ZNRF3: variants seen among roughly 807,000 people sequenced by gnomAD.
ZNRF3 encodes the protein zinc and ring finger 3, also known as E3 ubiquitin-protein ligase ZNRF3.
A neutral mutation model predicts 72.5 loss-of-function variants in ZNRF3; 23 were observed. That is an observed-to-expected ratio of 0.32 (90% CI 0.23 to 0.45). The LOEUF is 0.45. Among genes scored for constraint, ZNRF3 ranks in the 20% least tolerant of loss-of-function variants. ZNRF3 has a pLI of 1.00. For missense variants in ZNRF3, 1,169 were observed against 1,272.1 expected (o/e 0.92, Z 1.23); for synonymous variants, 610 against 545.3 (o/e 1.12, Z -1.65).
intron 2 of ZNRF3, among the ~76,000 whole-genome samples, chr22:28,994,537 C>T (rs1242758990): frequency 6.6e-6 from 1 of 151,832 alleles, no homozygotes; most frequent in African/African-American, 2.4e-5. Flanking sequence ...GGAGTCAAAT[C>T]CGTAGAGACA....
Position 29,030,551 on chromosome 22 carries a change from C to CG in ZNRF3, c.427-11941dup, listed in dbSNP as rs898106246. On this transcript the variant is annotated intron_variant, in intron 2 of 8. Transcript: ENST00000544604. The surrounding 1 kb of genome is among the most constrained non-coding windows in gnomAD (Gnocchi z 4.2). ...TCCGGAACTCAGAACCTGCAGCCGA[C>CG]GGGAGCCTTTGGAGGCTTAATGACT... Among the ~76,000 whole-genome samples the CG allele has an allele frequency of 6.6e-6, 1 of 152,150 alleles. No individual in the cohort carries two copies.
Position 29,049,361 on chromosome 22 carries a change from G to C in ZNRF3, c.1180G>C (p.Val394Leu). 6.2e-7 allele frequency: 1 copy of C among 1,613,408 alleles called. No homozygotes were observed. Among genetic ancestry groups the C allele is most frequent in the Non-Finnish European group, 8.5e-7 (1 of 1,180,010 alleles). ...AAGCATGGACTCCCACGGCAACCCC[G>C]TCACCTTGCTGACCATGGACCGGCA... ...RTSMDSHGNP[V>L]TLLTMDRHGE... The change falls in exon 8 of 9, where the codon GTC becomes CTC. Residue 394 changes from valine (V) to leucine (L), a missense_variant. Val to Leu is a conservative substitution (Grantham distance 32). Around this residue, in one of 2 missense-constraint regions of ZNRF3, gnomAD observed 386 missense variants for 540.7 expected, o/e 0.71. Transcript: ENST00000544604. The surrounding 1 kb of genome is among the most constrained non-coding windows in gnomAD (Gnocchi z 5.2).
At chr22:28,927,950 C>T (rs967988050) in intron 1 of ZNRF3, among the ~76,000 whole-genome samples, 5 of 152,198 alleles carry the variant, frequency 3.3e-5, no homozygotes, top group African/African-American at 1.2e-4. Flanking sequence ...CTGACTGTGC[C>T]TTTTGTGCCA....
chr22:29,005,796 C>T (rs2036231321), intron 2 of ZNRF3, among the ~76,000 whole-genome samples: 1 of 152,056 alleles, frequency 6.6e-6, no homozygotes, highest in Non-Finnish European at 1.5e-5. Flanking sequence ...GACTGTCAGG[C>T]CAGGCGAGGT....
chr22:28,902,734 A>G (rs2123754134), intron 1 of ZNRF3, among the ~76,000 whole-genome samples: 1 of 152,310 alleles, frequency 6.6e-6, no homozygotes, highest in South Asian at 2.1e-4. Context: ...CTGCATCTGT[A>G]AAATGGAGAT....
In ZNRF3 at chr22:29,044,836, C is replaced by T; in HGVS notation, c.690C>T (p.Ser230=). The T allele has an allele frequency of 6.2e-7, 1 of 1,614,096 alleles. No homozygotes were observed. The highest frequency in any genetic ancestry group is 1.6e-4 in the Middle Eastern group (1 of 6,062). The change falls in exon 5 of 9, where the codon TCC becomes TCT. Residue 230 remains serine, a synonymous_variant. Coordinates refer to ENST00000544604, the MANE Select transcript of ZNRF3 (RefSeq NM_001206998.2). The part of the protein sequence containing the change: ...GIFLAFFVVV[S]LVCLILLVKI... ...TCCTGGCTTTCTTCGTCGTGGTCTC[C>T]TTGGTCTGCCTCATCCTCCTTGTCA...
intron 1 of ZNRF3, among the ~76,000 whole-genome samples, chr22:28,934,344 A>T (rs542365016): frequency 9.8e-5 from 15 of 152,360 alleles, no homozygotes; most frequent in African/African-American, 3.6e-4. Context: ...GAGACTTGGC[A>T]TCAAAAGCCA....
Position 28,901,932 on chromosome 22 carries a change from C to CTT in ZNRF3, c.300+17886_300+17887dup, listed in dbSNP as rs398036773. Among the ~76,000 whole-genome samples, 72 of 112,946 alleles carry CTT rather than the reference C, an allele frequency of 6.4e-4. 1 individual carries two copies. The highest frequency in any genetic ancestry group is 1.5e-3 in the African/African-American group (46 of 30,084). 74.1% of individuals were successfully genotyped at this position (112,946 alleles called of 152,430 possible). ...TCCTAATCACCAACTTTTAAGTTAA[C>CTT]TTTTTTTTTTTTTTTTTTTTTGGAG... On this transcript the variant is annotated intron_variant, in intron 1 of 8. Coordinates refer to ENST00000544604, the MANE Select transcript of ZNRF3 (RefSeq NM_001206998.2).
At position 28,883,915 on chromosome 22, in the gene ZNRF3, C is replaced by G; in HGVS notation, c.149C>G (p.Pro50Arg). 8.5e-7 allele frequency: 1 copy of G among 1,175,724 alleles called. No individual in the cohort carries two copies. Among genetic ancestry groups the G allele is most frequent in the Non-Finnish European group, 1.1e-6 (1 of 936,410 alleles). The allele number at this position is 1,175,724 out of a possible 1,614,324, so 72.8% of individuals were successfully genotyped here. ...GGGCTGCTGCTGGCGGCCGCGGGGC[C>G]CGGCGCGGCGCGGGCCAAGGAGACG... The part of the protein sequence containing the change: ...LLGLLLAAAG[P>R]GAARAKETAF... Residue 50 changes from proline to arginine, a missense_variant, in exon 1 of 9, where the codon CCC becomes CGC. Transcript: ENST00000544604. The surrounding 1 kb of genome is among the most constrained non-coding windows in gnomAD (Gnocchi z 5.5).
At chr22:28,909,533 A>G (rs1360456806) in intron 1 of ZNRF3, among the ~76,000 whole-genome samples, 3 of 152,036 alleles carry the variant, frequency 2.0e-5, no homozygotes, top group African/African-American at 7.2e-5. Context: ...CTTCCTAGAA[A>G]TGTAGTTCAG....
chr22:28,887,008 C>T (rs1424149765), intron 1 of ZNRF3, among the ~76,000 whole-genome samples: 1 of 152,156 alleles, frequency 6.6e-6, no homozygotes, highest in African/African-American at 2.4e-5. Context: ...GTTTTATCGT[C>T]TCAGAGCAGA....
At chr22:28,919,807 C>A (rs1230336578) in intron 1 of ZNRF3, among the ~76,000 whole-genome samples, 2 of 151,568 alleles carry the variant, frequency 1.3e-5, no homozygotes, top group Non-Finnish European at 2.9e-5. Context: ...ACACCTGGCC[C>A]CCTTTACTCT....
chr22:28,911,141 A>C (rs1877611333), intron 1 of ZNRF3, among the ~76,000 whole-genome samples: 1 of 152,146 alleles, frequency 6.6e-6, no homozygotes, highest in Admixed American at 6.5e-5. Flanking sequence ...GGGGATCTGC[A>C]GCTGTGCCTC....
chr22:28,902,431 G>A (rs1290393709), intron 1 of ZNRF3, among the ~76,000 whole-genome samples: 1 of 151,914 alleles, frequency 6.6e-6, no homozygotes, highest in Non-Finnish European at 1.5e-5. Flanking sequence ...TGCCCAGGCA[G>A]GAGTGCAGTG....
chr22:29,048,261 G>C lies in ZNRF3; in HGVS notation c.913-128G>C. 1 of 650,036 alleles carries C rather than the reference G, an allele frequency of 1.5e-6. No individual in the cohort carries two copies. The highest frequency in any genetic ancestry group is 2.6e-6 in the Non-Finnish European group (1 of 377,938). The allele number at this position is 650,036 out of a possible 1,614,324, so 40.3% of individuals were successfully genotyped here. ...CTTCTAGGGAATTGAGCCCTAATTG[G>C]AGGTGGGGAGGAGAGTAGGGAAGGG... is the stretch of plus-strand genomic sequence containing the variant. On this transcript the variant is annotated intron_variant, in intron 6 of 8. Coordinates refer to ENST00000544604, the MANE Select transcript of ZNRF3 (RefSeq NM_001206998.2). The surrounding 1 kb of genome is among the most constrained non-coding windows in gnomAD (Gnocchi z 4.9).
intron 2 of ZNRF3, among the ~76,000 whole-genome samples, chr22:28,994,020 G>T (rs2036001862): frequency 6.6e-6 from 1 of 151,950 alleles, no homozygotes; most frequent in Admixed American, 6.6e-5. Context: ...TAACGCGTCT[G>T]TGTGTTTAGA....
At chr22:29,039,579 C>T (rs2036921801) in intron 2 of ZNRF3, among the ~76,000 whole-genome samples, 1 of 148,742 alleles carries the variant, frequency 6.7e-6, no homozygotes. Context: ...AAAACACCAG[C>T]ATCTACTTAC....
rs905077605 is a variant in ZNRF3, at chr22:29,053,800, C to T, written c.*178C>T. ...CCCCCTGTGGCAAAACCACCCCCTACCCCATTAACAAATCAACAGACAAAA... is the reference window on the plus strand; with the variant it reads ...CCCCCTGTGGCAAAACCACCCCCTATCCCATTAACAAATCAACAGACAAAA... On this transcript the variant is annotated 3_prime_UTR_variant, in exon 9 of 9. Transcript: ENST00000544604. 5 of 551,590 alleles carry T rather than the reference C, an allele frequency of 9.1e-6. No individual in the cohort carries two copies. Among genetic ancestry groups the T allele is most frequent in the African/African-American group, 3.8e-5 (2 of 52,984 alleles). The allele number at this position is 551,590 out of a possible 1,614,324, so 34.2% of individuals were successfully genotyped here. A position where few individuals can be genotyped will look rare whatever the true frequency, so the allele number is the denominator to read the frequency against.
At chr22:28,921,225 C>T (rs2034506298) in intron 1 of ZNRF3, among the ~76,000 whole-genome samples, 1 of 152,158 alleles carries the variant, frequency 6.6e-6, no homozygotes. Flanking sequence ...CCCCCCCCAC[C>T]CCTAGTAGTC....
Sources: allele counts gnomAD v4.1 joint callset (sites outside exome capture counted in the v4.1 genomes callset), GRCh38; gene constraint gnomAD v4.1.1; regional missense constraint gnomAD v4.1.1; non-coding constraint Gnocchi (gnomAD v3.1); transcripts MANE v1.5; gene names NCBI Gene and HGNC (gene_info 2026-07-23, HGNC 2026-07-21).